Variants in DENND1B observed in about 807,000 individuals in gnomAD.
DENND1B encodes DENN domain containing 1B, also known as DENN domain-containing protein 1B.
In DENND1B, 59 loss-of-function variants were observed where a neutral mutation model predicts 90.1. The ratio of observed to expected loss-of-function variants is 0.65; its 90% CI spans 0.53 to 0.81. The LOEUF (loss-of-function observed/expected upper bound fraction) is 0.81, where lower values mean the gene tolerates loss of function less well. DENND1B is among the 40% of genes least tolerant of loss of function. DENND1B has a pLI of 0.00. For missense variants in DENND1B, 862 were observed against 912.6 expected (o/e 0.94, Z 0.71); for synonymous variants, 337 against 324.6 (o/e 1.04, Z -0.41).
At chr1:197,540,204 CTATT>C (rs1210948738) in intron 19 of DENND1B, 133 bp from the exon 20 acceptor site, 7 of 409,364 alleles carry the variant, frequency 1.7e-5, no homozygotes, top group East Asian at 7.8e-5. Flanking sequence ...TGTAAAGAAT[CTATT>C]TAAGAAGAAA....
chr1:197,615,795 CTTGT>C (rs1324544595), intron 11 of DENND1B, among the ~76,000 whole-genome samples: 2 of 150,920 alleles, frequency 1.3e-5, no homozygotes, highest in Admixed American at 6.6e-5. Context: ...CAGATAACTT[CTTGT>C]TTGAATATCA....
chr1:197,746,693 C>T (rs936213019), intron 2 of DENND1B: 47 of 798,884 alleles, frequency 5.9e-5, no homozygotes, highest in African/African-American at 2.4e-4. Flanking sequence ...GGCTGGAAAA[C>T]GTTCTCAGTA....
At chr1:197,730,538 G>A (rs946532077) in intron 2 of DENND1B, among the ~76,000 whole-genome samples, 2 of 151,984 alleles carry the variant, frequency 1.3e-5, no homozygotes, top group Non-Finnish European at 2.9e-5. Context: ...GGTGTGTCAG[G>A]GGGCCATTAT....
At chr1:197,746,298 G>C (rs867048487) in intron 2 of DENND1B, among the ~76,000 whole-genome samples, 36 of 152,268 alleles carry the variant, frequency 2.4e-4, no homozygotes, top group Non-Finnish European at 2.4e-4. Flanking sequence ...GGGAGGCTGA[G>C]GCATGAGAAT....
intron 2 of DENND1B, among the ~76,000 whole-genome samples, chr1:197,758,708 G>A (rs1654619449): frequency 6.6e-6 from 1 of 152,060 alleles, no homozygotes; most frequent in African/African-American, 2.4e-5. Context: ...TTATCTTTAA[G>A]AGGATTCCAG....
chr1:197,736,222 T>G, intron 2 of DENND1B: 1 of 420,610 alleles, frequency 2.4e-6, no homozygotes, highest in East Asian at 4.5e-5. Context: ...AATTTTAAGC[T>G]GCAGATTCCA....
chr1:197,638,337 T>C (rs1011543002), intron 10 of DENND1B, among the ~76,000 whole-genome samples: 2 of 152,202 alleles, frequency 1.3e-5, no homozygotes, highest in East Asian at 3.9e-4. Flanking sequence ...AACTAAATAA[T>C]GGTCAAAATA....
At chr1:197,744,305 A>ATAGCCTTTCAAAATGTAAGTCT (rs1663501087) in intron 2 of DENND1B, among the ~76,000 whole-genome samples, 10 of 152,210 alleles carry the variant, frequency 6.6e-5, no homozygotes, top group Non-Finnish European at 8.8e-5. Context: ...TAGGGCATCT[A>ATAGCCTTTCAAAATGTAAGTCT]TAGCCTTTCA....
At chr1:197,648,747 C>T (rs1652765764) in intron 7 of DENND1B, among the ~76,000 whole-genome samples, 2 of 152,258 alleles carry the variant, frequency 1.3e-5, no homozygotes, top group South Asian at 4.1e-4. Context: ...GTCTAAGTTT[C>T]TCCTTAACTG....
At chr1:197,757,550 G>A (rs1380558258) in intron 2 of DENND1B, 2 of 152,146 alleles carry the variant, frequency 1.3e-5, no homozygotes, top group African/African-American at 4.8e-5. Context: ...AAGAAACACT[G>A]TTATTGAGAA....
chr1:197,599,163 G>A (rs1675974301), intron 13 of DENND1B, among the ~76,000 whole-genome samples: 1 of 151,794 alleles, frequency 6.6e-6, no homozygotes, highest in Non-Finnish European at 1.5e-5. Flanking sequence ...TTAAAAGAGT[G>A]CAAGCCATGT....
At chr1:197,670,532 A>G (rs1226445060) in intron 5 of DENND1B, among the ~76,000 whole-genome samples, 2 of 138,344 alleles carry the variant, frequency 1.4e-5, no homozygotes, top group Non-Finnish European at 3.1e-5. Flanking sequence ...GAGGAAGAGA[A>G]ATGCATGCTA....
At chr1:197,519,253 T>C (rs918871725) in intron 20 of DENND1B, among the ~76,000 whole-genome samples, 2 of 151,938 alleles carry the variant, frequency 1.3e-5, no homozygotes, top group Admixed American at 6.6e-5. Flanking sequence ...ATTGTAAAAT[T>C]ATTCTTTAGG....
chr1:197,763,589 A>T (rs1024814433), intron 2 of DENND1B, among the ~76,000 whole-genome samples: 2 of 152,224 alleles, frequency 1.3e-5, no homozygotes, highest in Admixed American at 1.3e-4. Context: ...TCTTCATCAG[A>T]TGCAACTATT....
chr1:197,627,990 G>A (rs1049449493), intron 10 of DENND1B, among the ~76,000 whole-genome samples: 5 of 152,176 alleles, frequency 3.3e-5, no homozygotes, highest in Admixed American at 3.3e-4. Flanking sequence ...ACCTCTTCAA[G>A]GAGAACTACA....
At chr1:197,691,933 G>A (rs1657930475) in intron 3 of DENND1B, among the ~76,000 whole-genome samples, 1 of 151,846 alleles carries the variant, frequency 6.6e-6, no homozygotes, top group Non-Finnish European at 1.5e-5. Context: ...GCAGAAAGTA[G>A]AATGCTGGTT....
At chr1:197,625,139 A>C (rs1022316623) in intron 10 of DENND1B, among the ~76,000 whole-genome samples, 3 of 152,016 alleles carry the variant, frequency 2.0e-5, no homozygotes, top group Admixed American at 6.6e-5. Context: ...GCAGGCCAAC[A>C]TTCAGATTCA....
At chr1:197,713,846 ATAT>A (rs1198899859) in intron 3 of DENND1B, among the ~76,000 whole-genome samples, 2 of 41,436 alleles carry the variant, frequency 4.8e-5, no homozygotes. Context: ...ATATTATATT[ATAT>A]TATTATAATA....
intron 6 of DENND1B, 89 bp from the exon 7 acceptor site, chr1:197,652,404 C>G: frequency 1.0e-6 from 1 of 960,808 alleles, no homozygotes; most frequent in East Asian, 2.9e-5. Context: ...TCTACTATGG[C>G]TTTTCATATT....
Sources: allele counts gnomAD v4.1 joint callset (sites outside exome capture counted in the v4.1 genomes callset), GRCh38; gene constraint gnomAD v4.1.1; transcripts MANE v1.5; gene names NCBI Gene and HGNC (gene_info 2026-07-23, HGNC 2026-07-21).